Variants in PHLPP1 observed in about 807,000 individuals in gnomAD.
PHLPP1 encodes PH domain and leucine rich repeat protein phosphatase 1.
PHLPP1 carries 42 observed loss-of-function variants against 117.2 expected under a neutral mutation model. The ratio of observed to expected loss-of-function variants is 0.36; its 90% CI spans 0.28 to 0.46. The LOEUF is 0.46. Among genes scored for constraint, PHLPP1 ranks in the 20% least tolerant of loss-of-function variants. The pLI is 1.00. For synonymous variants in PHLPP1, 1,042 were observed against 970.7 expected (o/e 1.07, Z -1.37); for missense variants, 2,084 against 2,241.9 (o/e 0.93, Z 1.42).
chr18:62,724,693 TAC>T (rs1487833583), intron 1 of PHLPP1, among the ~76,000 whole-genome samples: 1 of 152,250 alleles, frequency 6.6e-6, no homozygotes, highest in East Asian at 1.9e-4. Flanking sequence ...TTGTGTGCTT[TAC>T]ACAGTTAGTC....
chr18:62,970,764 CA>C (rs915325171), intron 14 of PHLPP1, among the ~76,000 whole-genome samples: 1 of 149,756 alleles, frequency 6.7e-6, no homozygotes. Context: ...GACTCCATCT[CA>C]AAAAAAAATG....
chr18:62,954,458 A>G (rs1910556380), intron 12 of PHLPP1, among the ~76,000 whole-genome samples: 1 of 152,202 alleles, frequency 6.6e-6, no homozygotes, highest in Non-Finnish European at 1.5e-5. Flanking sequence ...GGTAACCATT[A>G]TGATTCAGCC....
At chr18:62,964,328 A>C (rs1461578242) in intron 14 of PHLPP1, among the ~76,000 whole-genome samples, 1 of 152,208 alleles carries the variant, frequency 6.6e-6, no homozygotes, top group African/African-American at 2.4e-5. Context: ...TTAAATCAGA[A>C]TGTTTTAAAA....
intron 1 of PHLPP1, among the ~76,000 whole-genome samples, chr18:62,808,800 C>T (rs1914030827): frequency 6.6e-6 from 1 of 152,148 alleles, no homozygotes; most frequent in Admixed American, 6.5e-5. Flanking sequence ...GTGATTCACC[C>T]ACCTCGGCCT....
At chr18:62,841,866 CCTT>C (rs1472441626) in intron 3 of PHLPP1, among the ~76,000 whole-genome samples, 1 of 152,124 alleles carries the variant, frequency 6.6e-6, no homozygotes, top group Non-Finnish European at 1.5e-5. Context: ...TAGAATAAGA[CCTT>C]CTTTCCTTTT....
rs762975696 is a variant in PHLPP1 at position 62,895,734 on chromosome 18, G to C, written c.2214-47G>C. 21 of 1,164,984 alleles carry C rather than the reference G, an allele frequency of 1.8e-5. No homozygotes were observed. In the East Asian group the frequency reaches 4.0e-4, roughly 22 times the overall value. The allele number at this position is 1,164,984 out of a possible 1,614,324, so 72.2% of individuals were successfully genotyped here. A position where few individuals can be genotyped will look rare whatever the true frequency, so the allele number is the denominator to read the frequency against. On this transcript the variant is annotated intron_variant, in intron 5 of 16. Coordinates refer to ENST00000262719, the MANE Select transcript of PHLPP1 (RefSeq NM_194449.4). ...GAACTTGTATGTTGATAATAAAGAT[G>C]TAAAATTTATATGTTCTCTTTGTAA...
Position 62,830,125 on chromosome 18 carries a change from G to C in PHLPP1, c.1667G>C (p.Arg556Pro), listed in dbSNP as rs772168103. The stretch of plus-strand genomic sequence containing the variant: ...GGCAAGATGCAGTTGCCAGTGAACC[G>C]ATGGACAAGACGCCAAGTCATCCTA... ...RKGKMQLPVN[R>P]WTRRQVILCG... Residue 556 changes from arginine to proline, a missense_variant, in exon 2 of 17, where the codon CGA becomes CCA. Arg to Pro is a moderately radical substitution (Grantham distance 103). This residue lies in a region of PHLPP1 where 1,365 missense variants were observed against 1,605.9 expected (regional missense o/e 0.85). Transcript: ENST00000262719. The C allele has an allele frequency of 6.2e-7, 1 of 1,612,062 alleles. No individual in the cohort carries two copies. The highest frequency in any genetic ancestry group is 1.7e-5 in the Admixed American group (1 of 59,812).
In PHLPP1 at chr18:62,979,425, A is replaced by C. The variant is rs1423795471; in HGVS notation, c.5148A>C (p.Pro1716=). 39 of 1,550,792 alleles carry C rather than the reference A, an allele frequency of 2.5e-5. No homozygotes were observed. Among genetic ancestry groups the C allele is most frequent in the Non-Finnish European group, 3.4e-5 (39 of 1,146,426 alleles). Residue 1716 remains proline (P), a synonymous_variant, in exon 17 of 17, where the codon CCA becomes CCC. Transcript: ENST00000262719. ...LDQLPDYYDT[P]L Reference sequence around the variant, plus strand: ...AGCTGCCAGATTATTACGACACGCCACTATGACCCAGCCGAGCTGTTTAAC... The same window carrying C: ...AGCTGCCAGATTATTACGACACGCCCCTATGACCCAGCCGAGCTGTTTAAC...
intron 10 of PHLPP1, among the ~76,000 whole-genome samples, chr18:62,929,984 G>C (rs1029078856): frequency 2.0e-5 from 3 of 152,020 alleles, no homozygotes; most frequent in Non-Finnish European, 4.4e-5. Flanking sequence ...CTTAGAAATG[G>C]GAAGAGAGAA....
chr18:62,783,263 T>C (rs1269450957), intron 1 of PHLPP1, among the ~76,000 whole-genome samples: 1 of 150,132 alleles, frequency 6.7e-6, no homozygotes, highest in Non-Finnish European at 1.5e-5. Context: ...AGTCTTGTTC[T>C]GTTGCCCAGG....
In PHLPP1 at chr18:62,838,765, TC is replaced by T; in HGVS notation, c.1774-18del. ...CTGCTGTCTGACTTGTTTCTGCTTC[TC>T]TCTGTTTGCTTTTATAGGTAGAAGA... On this transcript the variant is annotated intron_variant, in intron 2 of 16. Coordinates refer to ENST00000262719, the MANE Select transcript of PHLPP1 (RefSeq NM_194449.4). The T allele has an allele frequency of 1.3e-6, 2 of 1,560,710 alleles. No homozygotes were observed.
At chr18:62,863,844 T>C (rs1202290705) in intron 4 of PHLPP1, among the ~76,000 whole-genome samples, 1 of 152,276 alleles carries the variant, frequency 6.6e-6, no homozygotes, top group Non-Finnish European at 1.5e-5. Flanking sequence ...GCTGACCTCC[T>C]ATTTCATCCT....
At chr18:62,926,927 G>A (rs935686874) in intron 10 of PHLPP1, among the ~76,000 whole-genome samples, 1 of 152,186 alleles carries the variant, frequency 6.6e-6, no homozygotes, top group African/African-American at 2.4e-5. Flanking sequence ...CTAAGGTTTT[G>A]TGTCAAGCGA....
intron 1 of PHLPP1, among the ~76,000 whole-genome samples, chr18:62,764,490 G>A (rs551775031): frequency 6.6e-6 from 1 of 151,976 alleles, no homozygotes; most frequent in African/African-American, 2.4e-5. Flanking sequence ...TGGGGATGAA[G>A]TGGGTTCTTA....
intron 2 of PHLPP1, among the ~76,000 whole-genome samples, chr18:62,833,316 C>T (rs1034385866): frequency 7.2e-5 from 11 of 152,234 alleles, no homozygotes; most frequent in Middle Eastern, 3.4e-3. Flanking sequence ...TCAAGTGATC[C>T]GCCTGCTTCG....
chr18:62,885,686 A>C (rs1376675007), intron 4 of PHLPP1, among the ~76,000 whole-genome samples: 2 of 152,138 alleles, frequency 1.3e-5, no homozygotes, highest in African/African-American at 4.8e-5. Context: ...AAAACAAAAA[A>C]ACTTTATATT....
chr18:62,937,536 T>C (rs903531420), intron 10 of PHLPP1, among the ~76,000 whole-genome samples: 1 of 152,240 alleles, frequency 6.6e-6, no homozygotes, highest in Non-Finnish European at 1.5e-5. Context: ...AACATTTGAA[T>C]TTTGGAGACA....
At chr18:62,746,996 C>T (rs544034095) in intron 1 of PHLPP1, among the ~76,000 whole-genome samples, 1 of 152,056 alleles carries the variant, frequency 6.6e-6, no homozygotes, top group Non-Finnish European at 1.5e-5. Context: ...AGAAAATATT[C>T]CATGTCTGTT....
chr18:62,728,159 G>A (rs980126883), intron 1 of PHLPP1, among the ~76,000 whole-genome samples: 8 of 151,994 alleles, frequency 5.3e-5, no homozygotes, highest in Non-Finnish European at 1.5e-5. Context: ...GCTGGACGTG[G>A]TGGTGCATCC....
Sources: gnomAD v4.1 joint callset for allele counts (sites outside exome capture counted in the v4.1 genomes callset) on GRCh38, gnomAD v4.1.1 for gene constraint, gnomAD v4.1.1 regional missense constraint, MANE v1.5 for transcripts, NCBI Gene and HGNC (gene_info 2026-07-23, HGNC 2026-07-21) for gene names.